HEATR5A: variants seen among roughly 807,000 people sequenced by gnomAD.
HEATR5A encodes the protein HEAT repeat containing 5A.
Under a neutral mutation model 218.8 loss-of-function variants are expected in HEATR5A, and 178 were observed. That is an observed-to-expected ratio of 0.81 (90% CI 0.72 to 0.92). The LOEUF is 0.92. HEATR5A is among the 40% of genes least tolerant of loss of function. The pLI, the probability that HEATR5A is intolerant of heterozygous loss-of-function variation, is 0.00. For missense variants in HEATR5A, 2,420 were observed against 2,418.9 expected, an observed-to-expected ratio of 1.00 and a Z score of -0.01; for synonymous variants, 864 against 871.6, an observed-to-expected ratio of 0.99 and a Z score of 0.15.
At chr14:31,403,691 G>T (rs2030957836) in intron 1 of HEATR5A, among the ~76,000 whole-genome samples, 2 of 152,284 alleles carry the variant, frequency 1.3e-5, no homozygotes, top group African/African-American at 4.8e-5. Flanking sequence ...TAGCAATCAA[G>T]ATCATATCTG....
At chr14:31,316,030 TC>T in intron 26 of HEATR5A, 81 bp from the exon 27 acceptor site, 1 of 1,136,248 alleles carries the variant, frequency 8.8e-7, no homozygotes, top group Non-Finnish European at 1.2e-6. Context: ...ATGCCTGTAA[TC>T]CCAGCACTTT....
rs147839466 is a variant in HEATR5A at position 31,315,853 on chromosome 14, C to T, written c.4135G>A (p.Ala1379Thr). The T allele has an allele frequency of 6.2e-7, 1 of 1,611,448 alleles. No individual in the cohort carries two copies. The highest frequency in any genetic ancestry group is 1.1e-5 in the South Asian group (1 of 90,442). Residue 1379 changes from alanine to threonine, a missense_variant, in exon 27 of 36, where the codon GCT (alanine) becomes ACT (threonine). Coordinates refer to ENST00000543095, the MANE Select transcript of HEATR5A (RefSeq NM_015473.4). ...LLVSSLTKIQ[A>T]GKEALSHLYN... is the part of the protein sequence containing the mutation. ...AAGTGACTTAGAGCTTCTTTTCCAG[C>T]CTGTATTTTAGTTAACGATGAAACA... is the stretch of plus-strand genomic sequence containing the variant.
chr14:31,334,945 CAAAAAAAA>C lies in HEATR5A; in HGVS notation c.3367+2523_3367+2530del, dbSNP rs58661759. ...TGGGTGACAGAGCAAGATTCCATCT[CAAAAAAAA>C]AAAAAAAAAAAAGAAAAAGAAATCG... On this transcript the variant is annotated intron_variant, in intron 22 of 35. Transcript: ENST00000543095. Among the ~76,000 whole-genome samples, 6 of 96,640 alleles carry C rather than the reference CAAAAAAAA, an allele frequency of 6.2e-5. No individual in the cohort carries two copies. In the East Asian group the frequency reaches 1.8e-3, roughly 28 times the overall value. The allele number at this position is 96,640 out of a possible 152,430, so 63.4% of individuals were successfully genotyped here.
chr14:31,312,974 C>A lies in HEATR5A; in HGVS notation c.4435G>T (p.Ala1479Ser). Residue 1479 changes from alanine (A) to serine (S), a missense_variant, in exon 28 of 36, where the codon GCT becomes TCT. Physicochemically the swap from Ala to Ser is moderately conservative, Grantham distance 99. Transcript: ENST00000543095. ...LPSEFASQLP[A>S]EGGAFYTAET... ...AAGTATTTTATCTCCTTACCTTCAG[C>A]AGGAAGTTGGGAGGCAAATTCTGAA... 2 of 1,607,634 alleles carry A rather than the reference C, an allele frequency of 1.2e-6. No individual in the cohort carries two copies. The highest frequency in any genetic ancestry group is 1.7e-6 in the Non-Finnish European group (2 of 1,174,284).
chr14:31,391,011 T>A (rs2030431937), intron 6 of HEATR5A, among the ~76,000 whole-genome samples: 3 of 152,192 alleles, frequency 2.0e-5, no homozygotes, highest in Non-Finnish European at 4.4e-5. Context: ...GTGAGATTGA[T>A]GGTTCTGACT....
chr14:31,339,860 A>G (rs1900787717), intron 21 of HEATR5A, among the ~76,000 whole-genome samples: 1 of 152,218 alleles, frequency 6.6e-6, no homozygotes, highest in Non-Finnish European at 1.5e-5. Flanking sequence ...AACAATGACT[A>G]AAAAAGCACT....
Position 31,415,758 on chromosome 14 carries a change from A to T in HEATR5A, c.-75+4714T>A, listed in dbSNP as rs568518203. Among the ~76,000 whole-genome samples the T allele has an allele frequency of 4.6e-5, 7 of 152,316 alleles. No individual in the cohort carries two copies. In the East Asian group the frequency reaches 1.2e-3, roughly 25 times the overall value. Reference sequence around the variant, plus strand: ...GAGTAAGGTATTATTTTGTGTACAGACACACAAATATGCATATATTCAACA... The same window carrying T: ...GAGTAAGGTATTATTTTGTGTACAGTCACACAAATATGCATATATTCAACA... On this transcript the variant is annotated intron_variant, in intron 1 of 35. Coordinates refer to ENST00000543095, the MANE Select transcript of HEATR5A (RefSeq NM_015473.4).
intron 9 of HEATR5A, among the ~76,000 whole-genome samples, chr14:31,385,585 T>C (rs1239312498): frequency 2.0e-5 from 3 of 151,824 alleles, no homozygotes; most frequent in Non-Finnish European, 4.4e-5. Flanking sequence ...CAAAGGGAAA[T>C]GGAAATGACA....
intron 14 of HEATR5A, among the ~76,000 whole-genome samples, chr14:31,361,497 A>C (rs561776842): frequency 2.0e-5 from 3 of 152,292 alleles, no homozygotes; most frequent in Non-Finnish European, 4.4e-5. Flanking sequence ...TGGTAGTACA[A>C]TATAAAAGGT....
chr14:31,343,459 T>A (rs116700517), intron 21 of HEATR5A, among the ~76,000 whole-genome samples: 1,894 of 152,208 alleles, frequency 0.012, 47 homozygotes, highest in African/African-American at 0.043. Context: ...AGATACAATA[T>A]TAGAAGCCAG....
intron 21 of HEATR5A, among the ~76,000 whole-genome samples, chr14:31,343,636 A>G (rs1900915724): frequency 6.6e-6 from 1 of 152,194 alleles, no homozygotes; most frequent in Non-Finnish European, 1.5e-5. Flanking sequence ...TAAGCACACA[A>G]TATGTTTTCA....
chr14:31,328,890 GAA>G (rs71112399), intron 22 of HEATR5A, among the ~76,000 whole-genome samples: 112 of 142,982 alleles, frequency 7.8e-4, no homozygotes, highest in East Asian at 2.3e-3. Flanking sequence ...GAAAGAAAAG[GAA>G]AAAAAAAAAA....
At chr14:31,346,643 G>A (rs1047659323) in intron 19 of HEATR5A, among the ~76,000 whole-genome samples, 2 of 152,194 alleles carry the variant, frequency 1.3e-5, no homozygotes, top group African/African-American at 2.4e-5. Context: ...TGATGGGACT[G>A]GAATAAAGAA....
At chr14:31,352,332 T>C (rs891041809) in intron 16 of HEATR5A, among the ~76,000 whole-genome samples, 48 of 152,160 alleles carry the variant, frequency 3.2e-4, no homozygotes, top group African/African-American at 9.4e-4. Flanking sequence ...CAGGTGTGCT[T>C]ATTAAGCAAG....
intron 33 of HEATR5A, among the ~76,000 whole-genome samples, chr14:31,299,075 C>T (rs1346961318): frequency 6.6e-6 from 1 of 152,152 alleles, no homozygotes; most frequent in Admixed American, 6.6e-5. Flanking sequence ...CTTCTTGCTC[C>T]AGAAACTCAA....
rs777596547 is a variant in HEATR5A at position 31,323,650 on chromosome 14, A to G, written c.3702T>C (p.Cys1234=). ...ATRVFAAECV[C]RIINQCENAN... ...CATTCTCACATTGGTTAATTATCCT[A>G]CAGACACATTCAGCAGCAAAGACTC... The change falls in exon 24 of 36, where the codon TGT becomes TGC. Residue 1234 remains cysteine, a synonymous_variant. Transcript: ENST00000543095. 6 of 1,613,178 alleles carry G rather than the reference A, an allele frequency of 3.7e-6. No homozygotes were observed. The highest frequency in any genetic ancestry group is 5.1e-6 in the Non-Finnish European group (6 of 1,179,378).
At position 31,293,101 on chromosome 14, in the gene HEATR5A, AAAAACAAAAC is replaced by A. The variant is rs529392954; in HGVS notation, c.*194_*203del. 1 of 461,878 alleles carries A rather than the reference AAAAACAAAAC, an allele frequency of 2.2e-6. No individual in the cohort carries two copies. Among genetic ancestry groups the A allele is most frequent in the African/African-American group, 2.0e-5 (1 of 49,800 alleles). 28.6% of individuals were successfully genotyped at this position (461,878 alleles called of 1,614,324 possible). The stretch of plus-strand genomic sequence containing the variant: ...TTAGCTCCATTGTCTTTTTAAATAG[AAAAACAAAAC>A]AAAACAAAACACAAACCCCACGCAC... On this transcript the variant is annotated 3_prime_UTR_variant, in exon 36 of 36. Transcript: ENST00000543095.
intron 4 of HEATR5A, 22 bp downstream of exon 4, chr14:31,398,651 G>T: frequency 7.9e-7 from 1 of 1,269,780 alleles, no homozygotes; most frequent in Non-Finnish European, 1.1e-6. Flanking sequence ...TTCATTCTTT[G>T]GCTGAACTTG....
intron 16 of HEATR5A, among the ~76,000 whole-genome samples, chr14:31,358,117 A>T (rs1348448249): frequency 6.6e-6 from 1 of 152,204 alleles, no homozygotes; most frequent in East Asian, 1.9e-4. Context: ...GTTTTATCCC[A>T]AAACCTCCTC....
Sources: gnomAD v4.1 joint callset for allele counts (sites outside exome capture counted in the v4.1 genomes callset) on GRCh38, gnomAD v4.1.1 for gene constraint, MANE v1.5 for transcripts, NCBI Gene and HGNC (gene_info 2026-07-23, HGNC 2026-07-21) for gene names.